IQSEC1: variants seen among roughly 807,000 people sequenced by gnomAD.
The protein encoded by IQSEC1 is IQ motif and Sec7 domain ArfGEF 1.
Under a neutral mutation model 91.0 loss-of-function variants are expected in IQSEC1, and 31 were observed. That is an observed-to-expected ratio of 0.34 (90% CI 0.26 to 0.46). The LOEUF (loss-of-function observed/expected upper bound fraction) is 0.46, where lower values mean the gene tolerates loss of function less well. Among genes scored for constraint, IQSEC1 ranks in the 20% least tolerant of loss-of-function variants. The pLI is 1.00. For missense variants in IQSEC1, 1,388 were observed against 1,575.6 expected (o/e 0.88, Z 2.02); for synonymous variants, 699 against 662.6 (o/e 1.05, Z -0.84).
intron 1 of IQSEC1, among the ~76,000 whole-genome samples, chr3:13,048,932 C>G (rs534236267): frequency 1.3e-5 from 2 of 152,322 alleles, no homozygotes; most frequent in Admixed American, 6.5e-5. Context: ...GGCTCAGCAG[C>G]TCTACCTGTG....
chr3:13,117,720 A>ACTG (rs1706359838), intron 2 of IQSEC1, among the ~76,000 whole-genome samples: 1 of 151,334 alleles, frequency 6.6e-6, no homozygotes, highest in Admixed American at 6.6e-5. Flanking sequence ...CCCCATCTCT[A>ACTG]CTGAAAATAC....
chr3:13,126,920 A>G (rs1052167390), intron 2 of IQSEC1, among the ~76,000 whole-genome samples: 1 of 151,936 alleles, frequency 6.6e-6, no homozygotes, highest in Non-Finnish European at 1.5e-5. Context: ...AAGATTTTCT[A>G]TTTTTTTCCT....
At chr3:13,061,596 A>T (rs923262800) in intron 1 of IQSEC1, among the ~76,000 whole-genome samples, 7 of 152,062 alleles carry the variant, frequency 4.6e-5, no homozygotes, top group African/African-American at 1.7e-4. Flanking sequence ...CCATGACTCC[A>T]GGCCCTGTGC....
Position 12,900,877 on chromosome 3 carries a change from A to G in IQSEC1, c.*106T>C, listed in dbSNP as rs1225440357. On this transcript the variant is annotated 3_prime_UTR_variant, in exon 14 of 14. Transcript: ENST00000613206. ...GGGCCGTGAGGGGCAGAGGGGAGAG[A>G]TGGCAACAGAAGTGCCCCGGGTTTG... 1.3e-6 allele frequency: 2 copies of G among 1,534,106 alleles called. No individual in the cohort carries two copies. The highest frequency in any genetic ancestry group is 2.0e-5 in the Admixed American group (1 of 50,862).
At chr3:13,212,671 C>T (rs1451736425) in intron 1 of IQSEC1, among the ~76,000 whole-genome samples, 3 of 152,218 alleles carry the variant, frequency 2.0e-5, no homozygotes, top group African/African-American at 7.2e-5. Context: ...CTCATCTCCT[C>T]ATCAACACTT....
At chr3:12,945,077 C>A (rs938617787) in intron 1 of IQSEC1, among the ~76,000 whole-genome samples, 8 of 152,100 alleles carry the variant, frequency 5.3e-5, no homozygotes, top group African/African-American at 1.7e-4. Context: ...CAGTTGGCCG[C>A]GGTGTGGGGC....
Position 13,008,637 on chromosome 3 carries a change from C to A in IQSEC1, c.23+64355G>T, listed in dbSNP as rs1702738979. On this transcript the variant is annotated intron_variant, in intron 1 of 13. Coordinates refer to ENST00000613206, the MANE Select transcript of IQSEC1 (RefSeq NM_001134382.3). The surrounding 1 kb of genome is among the most constrained non-coding windows in gnomAD (Gnocchi z 4.1). The stretch of plus-strand genomic sequence containing the variant: ...CGTTTGTGTGTTTGTTTACTTGTCA[C>A]CTCTCTGCCTCCCCCAACCCCCAAA... Among the ~76,000 whole-genome samples, 1 of 152,210 alleles carries A rather than the reference C, an allele frequency of 6.6e-6. No homozygotes were observed. The highest frequency in any genetic ancestry group is 2.4e-5 in the African/African-American group (1 of 41,438).
chr3:12,945,530 C>CAAAAAAAA, intron 1 of IQSEC1, among the ~76,000 whole-genome samples: 1 of 119,236 alleles, frequency 8.4e-6, no homozygotes, highest in Non-Finnish European at 1.8e-5. Context: ...TTCCACACTC[C>CAAAAAAAA]AAAAAAAAAA....
At chr3:13,022,949 T>G (rs1191360087) in intron 1 of IQSEC1, among the ~76,000 whole-genome samples, 1 of 152,226 alleles carries the variant, frequency 6.6e-6, no homozygotes, top group East Asian at 1.9e-4. Context: ...TACTGTGGGC[T>G]TGTGGAGCTC....
intron 1 of IQSEC1, among the ~76,000 whole-genome samples, chr3:13,205,462 T>A (rs1694326753): frequency 6.6e-6 from 1 of 151,758 alleles, no homozygotes; most frequent in Non-Finnish European, 1.5e-5. Context: ...ACCTCATCCT[T>A]CCTTCTCTCC....
At chr3:13,171,165 G>A (rs1490683400) in intron 1 of IQSEC1, among the ~76,000 whole-genome samples, 1 of 152,076 alleles carries the variant, frequency 6.6e-6, no homozygotes, top group Non-Finnish European at 1.5e-5. Context: ...GAAATCCGCA[G>A]TGTCACTGCT....
At chr3:13,279,348 T>C (rs1695747621) in intron 1 of IQSEC1, among the ~76,000 whole-genome samples, 1 of 152,320 alleles carries the variant, frequency 6.6e-6, no homozygotes, top group Admixed American at 6.5e-5. Context: ...CATAGCCAAA[T>C]AATCAAAGTA....
intron 1 of IQSEC1, among the ~76,000 whole-genome samples, chr3:13,020,338 T>C (rs897803406): frequency 6.6e-6 from 1 of 152,132 alleles, no homozygotes; most frequent in Admixed American, 6.5e-5. Flanking sequence ...CCAGCCGGCA[T>C]CCTCATCCCA....
chr3:12,971,555 C>T (rs1700897050), intron 1 of IQSEC1, among the ~76,000 whole-genome samples: 1 of 152,144 alleles, frequency 6.6e-6, no homozygotes, highest in South Asian at 2.1e-4. Context: ...ATCTGAGACA[C>T]AACATTGTGA....
intron 1 of IQSEC1, among the ~76,000 whole-genome samples, chr3:13,208,621 G>C (rs1461967445): frequency 6.6e-6 from 1 of 152,196 alleles, no homozygotes; most frequent in African/African-American, 2.4e-5. Context: ...ATGAGCTCTG[G>C]CCTGACCCAT....
chr3:12,985,563 C>T (rs1167682016), intron 1 of IQSEC1, among the ~76,000 whole-genome samples: 1 of 151,908 alleles, frequency 6.6e-6, no homozygotes, highest in African/African-American at 2.4e-5. Flanking sequence ...CAAGGAAAAT[C>T]TGGTGCCAGC....
intron 1 of IQSEC1, among the ~76,000 whole-genome samples, chr3:13,235,582 G>A (rs1470418452): frequency 6.6e-6 from 1 of 152,162 alleles, no homozygotes; most frequent in Non-Finnish European, 1.5e-5. Context: ...GGTGGGTGCT[G>A]TCTGCAGACA....
At chr3:13,022,336 C>A in intron 1 of IQSEC1, 1 of 1,191,822 alleles carries the variant, frequency 8.4e-7, no homozygotes, top group East Asian at 3.5e-5. Context: ...AGCCTCTGTG[C>A]CCTGGTCCTG....
intron 2 of IQSEC1, among the ~76,000 whole-genome samples, chr3:12,937,955 G>A (rs888375868): frequency 3.9e-5 from 6 of 152,146 alleles, no homozygotes; most frequent in Non-Finnish European, 8.8e-5. Context: ...GGGAGAGGGC[G>A]GGGTGAACCC....
Sources: allele counts gnomAD v4.1 joint callset (sites outside exome capture counted in the v4.1 genomes callset), GRCh38; gene constraint gnomAD v4.1.1; non-coding constraint Gnocchi (gnomAD v3.1); transcripts MANE v1.5; gene names NCBI Gene and HGNC (gene_info 2026-07-23, HGNC 2026-07-21).